Variants in MPPED2 observed in about 807,000 individuals in gnomAD.
MPPED2 encodes the protein metallophosphoesterase MPPED2.
A neutral mutation model predicts 33.0 loss-of-function variants in MPPED2; 5 were observed. The ratio of observed to expected loss-of-function variants is 0.15; its 90% CI spans 0.08 to 0.32. The LOEUF is 0.32. Among genes scored for constraint, MPPED2 ranks in the 10% least tolerant of loss-of-function variants. The pLI, the probability that MPPED2 is intolerant of heterozygous loss-of-function variation, is 1.00. For synonymous variants in MPPED2, 136 were observed against 141.9 expected, an observed-to-expected ratio of 0.96 and a Z score of 0.29; for missense variants, 275 against 372.1, an observed-to-expected ratio of 0.74 and a Z score of 2.15.
At chr11:30,404,781 G>A (rs931008007) in intron 6 of MPPED2, among the ~76,000 whole-genome samples, 10 of 152,156 alleles carry the variant, frequency 6.6e-5, no homozygotes, top group Non-Finnish European at 1.3e-4. Flanking sequence ...TACAAATGAA[G>A]CTTACTAGCA....
chr11:30,533,393 A>G (rs1196348528), intron 3 of MPPED2, among the ~76,000 whole-genome samples: 2 of 152,126 alleles, frequency 1.3e-5, no homozygotes, highest in African/African-American at 4.8e-5. Context: ...CTAGAGTAGA[A>G]AGCCAGAAAT....
At chr11:30,554,686 G>C (rs893263493) in intron 2 of MPPED2, among the ~76,000 whole-genome samples, 1 of 152,000 alleles carries the variant, frequency 6.6e-6, no homozygotes, top group Non-Finnish European at 1.5e-5. Context: ...GTAGAGATGG[G>C]GTTTCACTGT....
intron 4 of MPPED2, among the ~76,000 whole-genome samples, chr11:30,462,741 C>G (rs1390646196): frequency 6.6e-6 from 1 of 152,098 alleles, no homozygotes; most frequent in African/African-American, 2.4e-5. Context: ...AATAAAAAGC[C>G]ACTGTAGTAT....
At chr11:30,508,615 T>A (rs1329892260) in intron 3 of MPPED2, among the ~76,000 whole-genome samples, 8 of 152,186 alleles carry the variant, frequency 5.3e-5, no homozygotes, top group Non-Finnish European at 1.0e-4. Context: ...CTTGGCTTAA[T>A]CCTTCCTACA....
chr11:30,510,511 G>C (rs780064999), intron 3 of MPPED2, among the ~76,000 whole-genome samples: 3 of 152,202 alleles, frequency 2.0e-5, no homozygotes, highest in Admixed American at 6.6e-5. Context: ...TCAAGGTTGA[G>C]AGCAAAAGAT....
chr11:30,583,804 G>A lies in MPPED2; in HGVS notation c.-122+2238C>T, dbSNP rs138497673. Among the ~76,000 whole-genome samples the A allele has an allele frequency of 9.9e-5, 15 of 152,222 alleles. No homozygotes were observed. The East Asian group carries it at 2.7e-3, about 27-fold the overall frequency. ...AGCACAGCCTATGAGAAAAGAGCCCGCGGTTTTCTCGTTTCAACAAGGATG... is the reference window on the plus strand; with the variant it reads ...AGCACAGCCTATGAGAAAAGAGCCCACGGTTTTCTCGTTTCAACAAGGATG... On this transcript the variant is annotated intron_variant, in intron 1 of 6. Transcript: ENST00000358117.
chr11:30,477,216 T>G (rs1024140621), intron 4 of MPPED2, among the ~76,000 whole-genome samples: 6 of 151,640 alleles, frequency 4.0e-5, no homozygotes, highest in Non-Finnish European at 8.8e-5. Context: ...TTTATTTCTT[T>G]TGTGTGTGTG....
At chr11:30,403,006 G>A (rs898502075) in intron 6 of MPPED2, among the ~76,000 whole-genome samples, 7 of 152,216 alleles carry the variant, frequency 4.6e-5, no homozygotes, top group African/African-American at 1.2e-4. Flanking sequence ...AGCACTTCGG[G>A]AGGCCGAGGC....
intron 5 of MPPED2, among the ~76,000 whole-genome samples, chr11:30,415,870 A>T (rs995572115): frequency 1.3e-5 from 2 of 152,208 alleles, no homozygotes; most frequent in African/African-American, 4.8e-5. Context: ...GAGTCATGTA[A>T]ATGTTTCTCT....
chr11:30,553,494 A>T lies in MPPED2; in HGVS notation c.129-17319T>A, dbSNP rs538891809. The stretch of plus-strand genomic sequence containing the variant: ...TTGCATTTGCATTTCTTATGGTTCA[A>T]ACAAACAAACAACAAACACGAATTT... On this transcript the variant is annotated intron_variant, in intron 2 of 6. Coordinates refer to ENST00000358117, the MANE Select transcript of MPPED2 (RefSeq NM_001584.3). Among the ~76,000 whole-genome samples the T allele has an allele frequency of 5.3e-5, 8 of 152,334 alleles. No homozygotes were observed. The South Asian group carries it at 1.2e-3, about 24-fold the overall frequency.
At chr11:30,391,888 T>G (rs1056217582) in intron 6 of MPPED2, among the ~76,000 whole-genome samples, 2 of 152,136 alleles carry the variant, frequency 1.3e-5, no homozygotes, top group Non-Finnish European at 2.9e-5. Context: ...GGTCTGCATT[T>G]TCTAGTCACA....
At chr11:30,400,720 T>A (rs1161520654) in intron 6 of MPPED2, among the ~76,000 whole-genome samples, 1 of 152,164 alleles carries the variant, frequency 6.6e-6, no homozygotes, top group Non-Finnish European at 1.5e-5. Context: ...TCAAGATCAA[T>A]TACTTACCAT....
At chr11:30,429,863 G>C (rs182522508) in intron 4 of MPPED2, among the ~76,000 whole-genome samples, 166 of 152,258 alleles carry the variant, frequency 1.1e-3, no homozygotes, top group Non-Finnish European at 5.9e-5. Context: ...TCTGGAATTT[G>C]TCATGCTCTG....
intron 2 of MPPED2, among the ~76,000 whole-genome samples, chr11:30,559,622 T>C (rs1048818675): frequency 5.9e-5 from 9 of 152,162 alleles, no homozygotes; most frequent in African/African-American, 2.2e-4. Flanking sequence ...AAATTGCGTA[T>C]CTCCTTCAAA....
At chr11:30,397,989 T>C (rs995110959) in intron 6 of MPPED2, among the ~76,000 whole-genome samples, 1 of 152,146 alleles carries the variant, frequency 6.6e-6, no homozygotes, top group Non-Finnish European at 1.5e-5. Context: ...GACCAATTCC[T>C]TCCTTGACTT....
At chr11:30,569,457 G>C (rs1422956214) in intron 2 of MPPED2, among the ~76,000 whole-genome samples, 2 of 152,128 alleles carry the variant, frequency 1.3e-5, no homozygotes, top group Non-Finnish European at 2.9e-5. Context: ...TTCTCTCTAA[G>C]TTTATTGAGT....
intron 2 of MPPED2, among the ~76,000 whole-genome samples, chr11:30,561,382 TGTGAA>T (rs2134720609): frequency 6.6e-6 from 1 of 152,328 alleles, no homozygotes; most frequent in East Asian, 1.9e-4. Flanking sequence ...TTCAACTTAA[TGTGAA>T]GTTCAACAGT....
intron 4 of MPPED2, among the ~76,000 whole-genome samples, chr11:30,434,322 A>G (rs1949222498): frequency 6.6e-6 from 1 of 152,146 alleles, no homozygotes; most frequent in Admixed American, 6.6e-5. Flanking sequence ...GGAAGAGACA[A>G]GGTCATGGGG....
At position 30,477,217 on chromosome 11, in the gene MPPED2, T is replaced by C. The variant is rs556622350; in HGVS notation, c.536+18079A>G. 2.6e-4 allele frequency among the ~76,000 whole-genome samples: 40 copies of C among 151,664 alleles called. No homozygotes were observed. In the East Asian group the frequency reaches 7.5e-3, roughly 29 times the overall value. On this transcript the variant is annotated intron_variant, in intron 4 of 6. Coordinates refer to ENST00000358117, the MANE Select transcript of MPPED2 (RefSeq NM_001584.3). ...CAATCTTCACTCCTTTTATTTCTTT[T>C]GTGTGTGTGTGTGTTTATTACACCA...
Sources: allele counts gnomAD v4.1 joint callset (sites outside exome capture counted in the v4.1 genomes callset), GRCh38; gene constraint gnomAD v4.1.1; transcripts MANE v1.5; gene names NCBI Gene and HGNC (gene_info 2026-07-23, HGNC 2026-07-21).